Variants in ARHGAP32 observed in about 807,000 individuals in gnomAD.
ARHGAP32 encodes the protein rho GTPase-activating protein 32.
A neutral mutation model predicts 186.5 loss-of-function variants in ARHGAP32; 51 were observed. The observed-to-expected ratio is 0.27, with a 90% confidence interval of 0.22 to 0.35. The LOEUF (loss-of-function observed/expected upper bound fraction) is 0.35, where lower values mean the gene tolerates loss of function less well. Among genes scored for constraint, ARHGAP32 ranks in the 10% least tolerant of loss-of-function variants. ARHGAP32 has a pLI of 1.00. For missense variants in ARHGAP32, 2,186 were observed against 2,623.5 expected, an observed-to-expected ratio of 0.83 and a Z score of 3.64; for synonymous variants, 950 against 964.3, an observed-to-expected ratio of 0.99 and a Z score of 0.27.
At chr11:129,073,221 A>C (rs999476642) in intron 6 of ARHGAP32, among the ~76,000 whole-genome samples, 5 of 152,214 alleles carry the variant, frequency 3.3e-5, no homozygotes, top group African/African-American at 1.2e-4. Context: ...AACGTGAACT[A>C]AAAGGAAAAA....
At chr11:128,995,207 A>G (rs1239305759) in intron 12 of ARHGAP32, among the ~76,000 whole-genome samples, 1 of 151,998 alleles carries the variant, frequency 6.6e-6, no homozygotes. Flanking sequence ...ATTCAAACTT[A>G]TTTTATTTAT....
intron 2 of ARHGAP32, among the ~76,000 whole-genome samples, chr11:129,135,758 C>T (rs1162954479): frequency 1.3e-5 from 2 of 148,640 alleles, no homozygotes; most frequent in Non-Finnish European, 3.0e-5. Flanking sequence ...CAGAGCGAGA[C>T]TCCATCTCAA....
At chr11:129,209,314 AGAGAG>A (rs1944551446) in intron 1 of ARHGAP32, among the ~76,000 whole-genome samples, 1 of 152,094 alleles carries the variant, frequency 6.6e-6, no homozygotes, top group South Asian at 2.1e-4. Context: ...AAAAGAAGTT[AGAGAG>A]AGGCAAGAGA....
At chr11:128,976,173 T>C (rs1945536720) in intron 20 of ARHGAP32, among the ~76,000 whole-genome samples, 1 of 151,958 alleles carries the variant, frequency 6.6e-6, no homozygotes, top group South Asian at 2.1e-4. Flanking sequence ...AGTATCCACC[T>C]AGCTTGCTGC....
At chr11:129,272,549 G>C (rs368547278) in intron 1 of ARHGAP32, among the ~76,000 whole-genome samples, 22 of 152,300 alleles carry the variant, frequency 1.4e-4, no homozygotes, top group Non-Finnish European at 2.2e-4. Context: ...AGAGAAGCTA[G>C]GAAATGCAGT....
intron 11 of ARHGAP32, among the ~76,000 whole-genome samples, chr11:129,021,816 A>G (rs1244500761): frequency 1.3e-5 from 2 of 152,044 alleles, no homozygotes; most frequent in Admixed American, 6.6e-5. Context: ...TGCTGACTTT[A>G]CCACCTCGGT....
At chr11:129,196,326 G>C (rs1004233084), upstream of ARHGAP32, among the ~76,000 whole-genome samples, 4 of 152,190 alleles carry the variant, frequency 2.6e-5, no homozygotes, top group African/African-American at 9.7e-5. Flanking sequence ...AGGGAAAAAA[G>C]AGGGATGGTC....
chr11:129,193,697 TATATAA>T (rs1565464968), upstream of ARHGAP32, among the ~76,000 whole-genome samples: 24 of 30,290 alleles, frequency 7.9e-4, no homozygotes, highest in African/African-American at 3.5e-3. Context: ...TATTATATAA[TATATAA>T]TATATATTAT....
At chr11:129,239,409 G>A (rs1944985574) in intron 1 of ARHGAP32, among the ~76,000 whole-genome samples, 1 of 152,152 alleles carries the variant, frequency 6.6e-6, no homozygotes, top group Non-Finnish European at 1.5e-5. Flanking sequence ...AGTAATTTTA[G>A]GATTGGTCAG....
chr11:129,178,983 A>G (rs1264567960), intron 1 of ARHGAP32, among the ~76,000 whole-genome samples: 4 of 151,980 alleles, frequency 2.6e-5, no homozygotes, highest in Non-Finnish European at 5.9e-5. Flanking sequence ...CAGCAAAAGA[A>G]ACTACCATCA....
intron 22 of ARHGAP32, 128 bp from the exon 23 acceptor site, chr11:128,971,287 G>T: frequency 1.4e-6 from 1 of 719,256 alleles, no homozygotes; most frequent in Non-Finnish European, 2.2e-6. Flanking sequence ...CCATGTGGTT[G>T]CAATGAATCT....
chr11:129,262,813 T>C lies in ARHGAP32; in HGVS notation c.-5+16333A>G, dbSNP rs567999149. ...AAAAAACCTCACAACCCTAAAAACC[T>C]TCACTTTATTTTACTGTACCAAATA... On this transcript the variant is annotated intron_variant, in intron 1 of 6. Coordinates refer to the ARHGAP32 transcript ENST00000525234. 3.3e-5 allele frequency among the ~76,000 whole-genome samples: 5 copies of C among 152,298 alleles called. No individual in the cohort carries two copies. In the South Asian group the frequency reaches 8.3e-4, roughly 25 times the overall value.
chr11:129,172,391 T>C (rs568782326), intron 1 of ARHGAP32, among the ~76,000 whole-genome samples: 11 of 152,358 alleles, frequency 7.2e-5, no homozygotes, highest in South Asian at 4.1e-4. Flanking sequence ...GATGTTGAAT[T>C]TTATCAAAGG....
intron 11 of ARHGAP32, chr11:129,030,498 C>T (rs1479894834): frequency 6.6e-6 from 1 of 152,002 alleles, no homozygotes; most frequent in Non-Finnish European, 1.5e-5. Flanking sequence ...ATAGATTGTA[C>T]CCATGTCAGT....
chr11:129,243,090 C>T (rs1332246477), intron 1 of ARHGAP32, among the ~76,000 whole-genome samples: 1 of 152,178 alleles, frequency 6.6e-6, no homozygotes. Flanking sequence ...CTACATAGCA[C>T]CAAATGAATG....
rs1011657181 is a variant in ARHGAP32, at chr11:129,158,099, C to T, written c.225+6220G>A. Among the ~76,000 whole-genome samples, 10 of 152,044 alleles carry T rather than the reference C, an allele frequency of 6.6e-5. No individual in the cohort carries two copies. In the South Asian group the frequency reaches 1.0e-3, roughly 16 times the overall value. Reference sequence around the variant, plus strand: ...AGCACTACATATGGAAAGGAAAAACCGGTAGCAGCCACTACAAAAACATAC... The same window carrying T: ...AGCACTACATATGGAAAGGAAAAACTGGTAGCAGCCACTACAAAAACATAC... On this transcript the variant is annotated intron_variant, in intron 2 of 22. Transcript: ENST00000682385.
intron 11 of ARHGAP32, among the ~76,000 whole-genome samples, chr11:129,015,511 T>C (rs1371710435): frequency 2.0e-5 from 3 of 152,192 alleles, no homozygotes; most frequent in Admixed American, 6.5e-5. Context: ...GTATAAAAGA[T>C]AGAGCTGAAG....
intron 6 of ARHGAP32, among the ~76,000 whole-genome samples, chr11:129,090,597 G>A (rs982998288): frequency 2.0e-5 from 3 of 152,034 alleles, no homozygotes; most frequent in Admixed American, 2.0e-4. Flanking sequence ...TAGATTTACA[G>A]AAGGAAAAGA....
intron 12 of ARHGAP32, among the ~76,000 whole-genome samples, chr11:128,994,060 A>C (rs1946132898): frequency 1.3e-5 from 2 of 152,222 alleles, no homozygotes; most frequent in Admixed American, 1.3e-4. Flanking sequence ...TGAAGAATGG[A>C]AACATAACTG....
Sources: gnomAD v4.1 joint callset for allele counts (sites outside exome capture counted in the v4.1 genomes callset) on GRCh38, gnomAD v4.1.1 for gene constraint, MANE v1.5 for transcripts, NCBI Gene and HGNC (gene_info 2026-07-23, HGNC 2026-07-21) for gene names.